The following VRK2 variants were observed in gnomAD, a reference collection of about 807,000 sequenced individuals.
VRK2 encodes serine/threonine-protein kinase VRK2.
In VRK2, 60 loss-of-function variants were observed where a neutral mutation model predicts 57.6. The ratio of observed to expected loss-of-function variants is 1.04; its 90% CI spans 0.85 to 1.29. The LOEUF (loss-of-function observed/expected upper bound fraction) is 1.29, where lower values mean the gene tolerates loss of function less well. Ranked by LOEUF, VRK2 falls within the 50% of genes most tolerant of loss-of-function variation. The pLI is 0.00. For synonymous variants in VRK2, 231 were observed against 199.2 expected, an observed-to-expected ratio of 1.16 and a Z score of -1.35; for missense variants, 705 against 588.1, an observed-to-expected ratio of 1.20 and a Z score of -2.06.
intron 1 of VRK2, chr2:58,047,445 A>G (rs1356717880): frequency 1.0e-6 from 1 of 985,270 alleles, no homozygotes; most frequent in Non-Finnish European, 1.2e-6. Flanking sequence ...CCCTTGGCAG[A>G]TGAACTCGGG....
rs1672148595 is a variant in VRK2, at chr2:57,973,212, TA to T, written c.-438-52452del. On this transcript the variant is annotated intron_variant, in intron 1 of 15. Coordinates refer to the VRK2 transcript ENST00000417641. ...AACTTTTGGATTTTTGCCAACCTGA[TA>T]GGGGAGAAGTAATAACTCAGTGTAA... Among the ~76,000 whole-genome samples, 4 of 151,992 alleles carry T rather than the reference TA, an allele frequency of 2.6e-5. No individual in the cohort carries two copies. In the South Asian group the frequency reaches 8.3e-4, roughly 31 times the overall value.
Position 57,972,444 on chromosome 2 carries a change from T to TG in VRK2, c.-438-53221_-438-53220insG, listed in dbSNP as rs1288313686. Among the ~76,000 whole-genome samples, 3 of 151,894 alleles carry TG rather than the reference T, an allele frequency of 2.0e-5. No individual in the cohort carries two copies. In the East Asian group the frequency reaches 5.8e-4, roughly 29 times the overall value. On this transcript the variant is annotated intron_variant, in intron 1 of 15. Coordinates refer to the VRK2 transcript ENST00000417641. ...TGCAACAGTTACACGATAATACCACTAACAGTAGATTACCAGAAACAGTTT... is the reference window on the plus strand; with the variant it reads ...TGCAACAGTTACACGATAATACCACTGAACAGTAGATTACCAGAAACAGTTT...
Position 58,159,367 on chromosome 2 carries a change from C to T in VRK2, c.1201C>T (p.Gln401Ter). The stretch of plus-strand genomic sequence containing the variant: ...TCCATAGGAAAGCACAAGGAGAAGA[C>T]AGAAATATCAAGAGTCTCAAGAACC... Reference protein sequence around the residue: ...EAAQESTRRRQKYQESQEPLN... With the variant: ...EAAQESTRRR The change falls in exon 13 of 13, where the codon CAG becomes TAG. Residue 401 changes from glutamine to a stop codon, truncating the protein, a stop_gained. Coordinates refer to ENST00000340157, the MANE Select transcript of VRK2 (RefSeq NM_006296.7). LOFTEE classifies it low-confidence loss of function (END_TRUNC). 1 of 1,607,230 alleles carries T rather than the reference C, an allele frequency of 6.2e-7. No individual in the cohort carries two copies. Among genetic ancestry groups the T allele is most frequent in the Non-Finnish European group, 8.5e-7 (1 of 1,177,564 alleles).
At chr2:57,933,559 C>T (rs1350189026) in intron 1 of VRK2, among the ~76,000 whole-genome samples, 1 of 151,704 alleles carries the variant, frequency 6.6e-6, no homozygotes, top group Non-Finnish European at 1.5e-5. Context: ...CCACCCACCT[C>T]GGCCTCCCAA....
intron 2 of VRK2, among the ~76,000 whole-genome samples, chr2:58,057,919 A>C (rs998719118): frequency 3.9e-5 from 6 of 152,156 alleles, no homozygotes; most frequent in African/African-American, 1.4e-4. Context: ...AAGAAGGCCA[A>C]AGTTGACACA....
chr2:58,019,080 T>C (rs1266773356), intron 1 of VRK2, among the ~76,000 whole-genome samples: 1 of 152,204 alleles, frequency 6.6e-6, no homozygotes, highest in Non-Finnish European at 1.5e-5. Context: ...TAAATTGAAC[T>C]CATAGCAAGC....
chr2:58,009,143 A>G (rs552868155), intron 1 of VRK2, among the ~76,000 whole-genome samples: 4 of 152,302 alleles, frequency 2.6e-5, no homozygotes, highest in Admixed American at 2.6e-4. Flanking sequence ...ACACTTTGAA[A>G]TGGTAGCAGG....
chr2:58,156,079 G>T (rs1463216270), intron 12 of VRK2, among the ~76,000 whole-genome samples: 1 of 151,820 alleles, frequency 6.6e-6, no homozygotes, highest in East Asian at 1.9e-4. Context: ...GGTGCTTTTT[G>T]TCCACTCTTT....
At position 57,933,309 on chromosome 2, in the gene VRK2, C is replaced by CTTTTTTTTTTTTTTTTTTTTTTTTTTT. The variant is rs71394403; in HGVS notation, c.-439+25492_-439+25493insTTTTTTTTTTTTTTTTTTTTTTTTTTT. On this transcript the variant is annotated intron_variant, in intron 1 of 15. Transcript: ENST00000417641. Reference sequence around the variant, plus strand: ...TGCTATTTCTTATTTCTTTCTTTTTCTTTTTTTTTTTTTTTTTTTTTTGAG... The same window carrying CTTTTTTTTTTTTTTTTTTTTTTTTTTT: ...TGCTATTTCTTATTTCTTTCTTTTTCTTTTTTTTTTTTTTTTTTTTTTTTTTTTTTTTTTTTTTTTTTTTTTTTTGAG... 9.6e-4 allele frequency among the ~76,000 whole-genome samples: 61 copies of CTTTTTTTTTTTTTTTTTTTTTTTTTTT among 63,304 alleles called. 5 individuals carry two copies. Among genetic ancestry groups the CTTTTTTTTTTTTTTTTTTTTTTTTTTT allele is most frequent in the African/African-American group, 1.8e-3 (23 of 13,080 alleles). The allele number at this position is 63,304 out of a possible 152,430, so 41.5% of individuals were successfully genotyped here. A position where few individuals can be genotyped will look rare whatever the true frequency, so the allele number is the denominator to read the frequency against.
At chr2:57,934,364 A>G (rs1476456650) in intron 1 of VRK2, among the ~76,000 whole-genome samples, 1 of 152,220 alleles carries the variant, frequency 6.6e-6, no homozygotes, top group African/African-American at 2.4e-5. Context: ...TCTGAAGGAC[A>G]TCTTTGCCAG....
intron 2 of VRK2, among the ~76,000 whole-genome samples, chr2:58,077,758 A>G (rs535391370): frequency 6.6e-6 from 1 of 152,114 alleles, no homozygotes; most frequent in Non-Finnish European, 1.5e-5. Context: ...TACTGCCACA[A>G]TTTACTGTAG....
intron 2 of VRK2, among the ~76,000 whole-genome samples, chr2:58,066,317 T>C (rs897634433): frequency 6.6e-6 from 1 of 152,196 alleles, no homozygotes; most frequent in African/African-American, 2.4e-5. Flanking sequence ...CAATTGCCTT[T>C]TCTACTTCAA....
At chr2:58,082,239 T>C (rs7577299) in intron 2 of VRK2, among the ~76,000 whole-genome samples, 24,106 of 151,886 alleles carry the variant, frequency 0.16, 3,074 homozygotes, top group African/African-American at 0.35. Flanking sequence ...ATGATTGAAA[T>C]AGGCAAGGAG....
intron 1 of VRK2, among the ~76,000 whole-genome samples, chr2:58,000,977 T>C (rs1026592724): frequency 5.3e-5 from 8 of 152,228 alleles, no homozygotes; most frequent in African/African-American, 1.9e-4. Context: ...GGTTTTCAAA[T>C]ACTGAATTCT....
In VRK2 at chr2:58,159,376, C is replaced by G. The variant is rs760023098; in HGVS notation, c.1210C>G (p.Gln404Glu). Residue 404 changes from glutamine (Q) to glutamate (E), a missense_variant, in exon 13 of 13, where the codon CAA (glutamine) becomes GAA (glutamate). Physicochemically the swap from Gln to Glu is conservative, Grantham distance 29 (BLOSUM62 2). Coordinates refer to ENST00000340157, the MANE Select transcript of VRK2 (RefSeq NM_006296.7). The part of the protein sequence containing the change: ...QESTRRRQKY[Q>E]ESQEPLNEVN... ...AAGCACAAGGAGAAGACAGAAATAT[C>G]AAGAGTCTCAAGAACCTTTGAATGA... The G allele has an allele frequency of 5.6e-6, 9 of 1,609,806 alleles. No individual in the cohort carries two copies. The highest frequency in any genetic ancestry group is 5.4e-5 in the African/African-American group (4 of 74,522).
chr2:57,931,230 G>A (rs528260901), intron 1 of VRK2, among the ~76,000 whole-genome samples: 2 of 152,046 alleles, frequency 1.3e-5, no homozygotes, highest in South Asian at 4.2e-4. Context: ...TTTCATAATG[G>A]CTGTACCAAT....
At chr2:57,969,669 C>A (rs1303622839) in intron 1 of VRK2, among the ~76,000 whole-genome samples, 2 of 151,952 alleles carry the variant, frequency 1.3e-5, no homozygotes, top group Non-Finnish European at 2.9e-5. Context: ...AAAGGAAATA[C>A]TAAATATCAA....
intron 1 of VRK2, among the ~76,000 whole-genome samples, chr2:57,941,160 G>C (rs938152436): frequency 6.6e-6 from 1 of 152,130 alleles, no homozygotes; most frequent in South Asian, 2.1e-4. Flanking sequence ...CAAAGCTGTG[G>C]ATAATCCTTT....
intron 1 of VRK2, among the ~76,000 whole-genome samples, chr2:58,006,160 CAT>C (rs1673236238): frequency 6.6e-6 from 1 of 152,056 alleles, no homozygotes; most frequent in Admixed American, 6.6e-5. Flanking sequence ...ATCTGGGGGA[CAT>C]GTGTGGAAAC....
Sources: gnomAD v4.1 joint callset for allele counts (sites outside exome capture counted in the v4.1 genomes callset) on GRCh38, gnomAD v4.1.1 for gene constraint, MANE v1.5 for transcripts, NCBI Gene and HGNC (gene_info 2026-07-23, HGNC 2026-07-21) for gene names.